Variants in ZFX observed in about 807,000 individuals in gnomAD.
The protein encoded by ZFX is zinc finger protein X-linked.
For synonymous variants in ZFX, 196 were observed against 226.8 expected (o/e 0.86, Z 1.22); for missense variants, 362 against 628.3 (o/e 0.58, Z 4.53).
chrX:24,188,357 A>G (rs1398406702), intron 5 of ZFX, among the ~76,000 whole-genome samples: 1 of 110,388 alleles, frequency 9.1e-6, no homozygotes, highest in African/African-American at 3.3e-5. Flanking sequence ...TTTCATAAGT[A>G]TTTCAGTATT....
intron 3 of ZFX, among the ~76,000 whole-genome samples, chrX:24,159,701 C>T (rs1279346488): frequency 9.0e-6 from 1 of 111,249 alleles, no homozygotes; most frequent in African/African-American, 3.3e-5. Context: ...GGTCTGGTCT[C>T]GAACTCCTGA....
chrX:24,198,593 A>C (rs570259712), intron 5 of ZFX, among the ~76,000 whole-genome samples: 241 of 109,810 alleles, frequency 2.2e-3, no homozygotes, highest in African/African-American at 7.7e-3. Flanking sequence ...TGCTTACTCT[A>C]TATGCTGGGC....
At chrX:24,182,115 C>T (rs774629623) in intron 5 of ZFX, among the ~76,000 whole-genome samples, 1 of 109,222 alleles carries the variant, frequency 9.2e-6, no homozygotes, top group African/African-American at 3.3e-5. Context: ...GATTGGATGC[C>T]TAGTCATGCC....
intron 5 of ZFX, among the ~76,000 whole-genome samples, chrX:24,190,752 A>G (rs1402017342): frequency 1.8e-5 from 2 of 112,294 alleles, no homozygotes; most frequent in Admixed American, 9.4e-5. Context: ...GAGAAGCAAC[A>G]TCTGGTATAT....
chrX:24,150,936 C>T lies in ZFX; in HGVS notation c.-249-755C>T, dbSNP rs1490643007. The T allele has an allele frequency of 2.7e-5, 3 of 112,305 alleles. No homozygotes were observed. The East Asian group carries it at 8.3e-4, about 31-fold the overall frequency. 9.3% of individuals were successfully genotyped at this position (112,305 alleles called of 1,213,427 possible). On this transcript the variant is annotated intron_variant, in intron 1 of 9. Coordinates refer to ENST00000304543, the MANE Select transcript of ZFX (RefSeq NM_003410.4). ...TACTCATTTATGTGGAAACAACTTT[C>T]TTGAAAAACGATTTAAGTAGTGATC...
At chrX:24,184,114 A>C (rs992513551) in intron 5 of ZFX, among the ~76,000 whole-genome samples, 5 of 111,600 alleles carry the variant, frequency 4.5e-5, no homozygotes. Context: ...AAGATATCTC[A>C]TTGTGTATAT....
intron 3 of ZFX, among the ~76,000 whole-genome samples, chrX:24,169,700 G>T: frequency 9.0e-6 from 1 of 110,918 alleles, no homozygotes; most frequent in Non-Finnish European, 1.9e-5. Flanking sequence ...ATCAGGAGAA[G>T]GCTGGGTTTT....
chrX:24,173,126 C>G (rs1020012971), intron 4 of ZFX, among the ~76,000 whole-genome samples: 2 of 111,348 alleles, frequency 1.8e-5, no homozygotes, highest in Non-Finnish European at 3.8e-5. Context: ...TTGTTTGGAC[C>G]TTTGTTTAAA....
At chrX:24,183,275 C>T (rs779650409) in intron 5 of ZFX, among the ~76,000 whole-genome samples, 1 of 111,906 alleles carries the variant, frequency 8.9e-6, no homozygotes, top group East Asian at 2.8e-4. Flanking sequence ...ACCTCCGCCT[C>T]CCGGGTTCAA....
chrX:24,208,092 T>C (rs909795685), intron 7 of ZFX, 126 bp from the exon 8 acceptor site: 1 of 925,665 alleles, frequency 1.1e-6, no homozygotes, highest in African/African-American at 2.0e-5. Context: ...ACGTGAAAGC[T>C]ATGTTCTAGG....
Position 24,208,976 on chromosome X carries a change from C to T in ZFX, c.1170C>T (p.Leu390=), listed in dbSNP as rs1937831615. ...ALLHIDESAG[L]GRLAKQKPKK... ...TGCACATAGATGAGTCTGCTGGCCT[C>T]GGCAGACTGGCTAAACAAAAACCAA... Residue 390 remains leucine (L), a synonymous_variant, in exon 9 of 10, where the codon CTC becomes CTT. Transcript: ENST00000304543. The T allele has an allele frequency of 1.7e-6, 2 of 1,209,810 alleles. No homozygotes were observed.
chrX:24,191,839 A>G (rs776937169), intron 5 of ZFX, among the ~76,000 whole-genome samples: 1 of 110,482 alleles, frequency 9.1e-6, no homozygotes, highest in Non-Finnish European at 1.9e-5. Context: ...AGCTGGGATT[A>G]CAGGTGTGCG....
At chrX:24,191,652 C>T (rs148932428) in intron 5 of ZFX, among the ~76,000 whole-genome samples, 2 of 110,156 alleles carry the variant, frequency 1.8e-5, no homozygotes, top group African/African-American at 6.6e-5. Context: ...ATAATAGTTG[C>T]TCAGATATCC....
At chrX:24,174,129 G>A (rs1256390705) in intron 4 of ZFX, among the ~76,000 whole-genome samples, 1 of 110,033 alleles carries the variant, frequency 9.1e-6, no homozygotes, top group Non-Finnish European at 1.9e-5. Context: ...CTGAGAATCG[G>A]TTGAATCTGG....
intron 3 of ZFX, among the ~76,000 whole-genome samples, chrX:24,157,466 T>C (rs186923338): frequency 2.5e-4 from 28 of 112,484 alleles, no homozygotes; most frequent in African/African-American, 8.7e-4. Context: ...GATGTAGTTA[T>C]CATTGCTTGC....
intron 4 of ZFX, chrX:24,177,610 C>T (rs1307866248): frequency 4.3e-5 from 25 of 584,321 alleles, no homozygotes; most frequent in Non-Finnish European, 5.2e-5. Context: ...CCTCCTCAAC[C>T]CAGTTGTCTT....
chrX:24,170,835 C>T (rs891645165), intron 3 of ZFX, among the ~76,000 whole-genome samples: 2 of 110,852 alleles, frequency 1.8e-5, no homozygotes, highest in African/African-American at 6.6e-5. Flanking sequence ...TGGTCTCGAA[C>T]GCCTGACCTC....
At chrX:24,171,759 C>CA (rs1471830256) in intron 3 of ZFX, among the ~76,000 whole-genome samples, 1 of 111,192 alleles carries the variant, frequency 9.0e-6, no homozygotes, top group Non-Finnish European at 1.9e-5. Flanking sequence ...AGCTGGACCT[C>CA]AGATAGGTCT....
At position 24,214,990 on chromosome X, in the gene ZFX, A is replaced by C. The variant is rs1442884259; in HGVS notation, c.*3614A>C. The C allele has an allele frequency of 9.0e-6, 1 of 111,662 alleles. No individual in the cohort carries two copies. Among genetic ancestry groups the C allele is most frequent in the Non-Finnish European group, 1.9e-5 (1 of 53,212 alleles). 9.2% of individuals were successfully genotyped at this position (111,662 alleles called of 1,213,427 possible). On this transcript the variant is annotated 3_prime_UTR_variant, in exon 10 of 10. Coordinates refer to ENST00000304543, the MANE Select transcript of ZFX (RefSeq NM_003410.4). The stretch of plus-strand genomic sequence containing the variant: ...AAATGTCAGGAGTCAAAAGAGATAG[A>C]GTTGTGCCATCTTTGATTTTATAGA...
Sources: allele counts gnomAD v4.1 joint callset (sites outside exome capture counted in the v4.1 genomes callset), GRCh38; gene constraint gnomAD v4.1.1; transcripts MANE v1.5; gene names NCBI Gene and HGNC (gene_info 2026-07-23, HGNC 2026-07-21).